Variants in SGK1 observed in about 807,000 individuals in gnomAD.
SGK1 encodes serine/threonine-protein kinase Sgk1.
In SGK1, 26 loss-of-function variants were observed where a neutral mutation model predicts 64.2. The observed-to-expected ratio is 0.40, with a 90% CI of 0.30 to 0.56. The LOEUF is 0.56. SGK1 is among the 20% of genes least tolerant of loss of function. The pLI is 0.38. For missense variants in SGK1, 519 were observed against 645.6 expected (o/e 0.80, Z 2.12); for synonymous variants, 265 against 239.7 (o/e 1.11, Z -0.98).
intron 2 of SGK1, among the ~76,000 whole-genome samples, chr6:134,253,950 A>T (rs1582744178): frequency 6.6e-6 from 1 of 151,946 alleles, no homozygotes; most frequent in African/African-American, 2.4e-5. Flanking sequence ...CGGACAGCGG[A>T]CTCTGAGGAA....
At chr6:134,230,240 A>G (rs1776255538) in intron 2 of SGK1, among the ~76,000 whole-genome samples, 2 of 152,168 alleles carry the variant, frequency 1.3e-5, no homozygotes, top group Non-Finnish European at 1.5e-5. Context: ...TAATTCCAGC[A>G]TTTTGGGAGG....
rs1357748854 is a variant in SGK1 at position 134,169,780 on chromosome 6, A to T, written c.*488T>A. The T allele has an allele frequency of 6.5e-6, 1 of 152,740 alleles. No homozygotes were observed. Among genetic ancestry groups the T allele is most frequent in the Non-Finnish European group, 1.5e-5 (1 of 68,120 alleles). 9.5% of individuals were successfully genotyped at this position (152,740 alleles called of 1,614,324 possible). ...CTGCAAGTGTCACATTGATGCTTAT[A>T]ACAAAATCCATCTGTGATCAGGCAT... On this transcript the variant is annotated 3_prime_UTR_variant, in exon 14 of 14. Transcript: ENST00000367858.
intron 1 of SGK1, among the ~76,000 whole-genome samples, chr6:134,274,379 G>A (rs750563221): frequency 6.6e-6 from 1 of 152,142 alleles, no homozygotes; most frequent in South Asian, 2.1e-4. Context: ...TGAGAGTCAG[G>A]AATGGATTAG....
chr6:134,206,338 GATATATAT>G (rs71003676), intron 3 of SGK1, among the ~76,000 whole-genome samples: 94 of 32,686 alleles, frequency 2.9e-3, no homozygotes, highest in African/African-American at 6.4e-3. Flanking sequence ...TGTACCTGAT[GATATATAT>G]ATATATATAT....
chr6:134,223,604 G>T (rs1582723835), intron 2 of SGK1, among the ~76,000 whole-genome samples: 1 of 152,126 alleles, frequency 6.6e-6, no homozygotes, highest in East Asian at 1.9e-4. Context: ...TGGGAAAAAT[G>T]TTCCTACTCT....
intron 2 of SGK1, among the ~76,000 whole-genome samples, chr6:134,250,161 G>A (rs959068640): frequency 6.6e-6 from 1 of 152,184 alleles, no homozygotes; most frequent in Non-Finnish European, 1.5e-5. Flanking sequence ...GTGAATCGAG[G>A]ACAGACTTGT....
intron 2 of SGK1, among the ~76,000 whole-genome samples, chr6:134,213,759 G>GTTAT (rs1554221320): frequency 6.6e-6 from 1 of 152,040 alleles, no homozygotes; most frequent in Non-Finnish European, 1.5e-5. Flanking sequence ...GGGCTCTTTG[G>GTTAT]TTCTTTCTTT....
intron 2 of SGK1, among the ~76,000 whole-genome samples, chr6:134,247,387 G>A (rs1200339759): frequency 6.6e-6 from 1 of 152,138 alleles, no homozygotes; most frequent in Non-Finnish European, 1.5e-5. Flanking sequence ...AGTCACACCT[G>A]TGGGGGCCTC....
chr6:134,281,922 A>G (rs954554954), intron 1 of SGK1, among the ~76,000 whole-genome samples: 1 of 152,226 alleles, frequency 6.6e-6, no homozygotes, highest in Non-Finnish European at 1.5e-5. Flanking sequence ...CATTTGAGCC[A>G]TGATAGGCCC....
At chr6:134,188,861 T>TATCTG (rs1562244978) in intron 3 of SGK1, among the ~76,000 whole-genome samples, 1 of 151,296 alleles carries the variant, frequency 6.6e-6, no homozygotes, top group Non-Finnish European at 1.5e-5. Context: ...GCCTCCTGAG[T>TATCTG]ATCTGGGGCT....
intron 1 of SGK1, among the ~76,000 whole-genome samples, chr6:134,287,115 G>A (rs538504629): frequency 1.3e-5 from 2 of 152,184 alleles, no homozygotes; most frequent in South Asian, 4.2e-4. Context: ...GGGACTTCAG[G>A]CACATGTCAC....
chr6:134,300,062 A>G, intron 1 of SGK1, among the ~76,000 whole-genome samples: 1 of 152,214 alleles, frequency 6.6e-6, no homozygotes, highest in East Asian at 1.9e-4. Context: ...CCATTTCTCT[A>G]TGTGACTCTA....
intron 2 of SGK1, among the ~76,000 whole-genome samples, chr6:134,226,974 C>T (rs1776192856): frequency 6.6e-6 from 1 of 152,110 alleles, no homozygotes; most frequent in Non-Finnish European, 1.5e-5. Flanking sequence ...AGGTGGGAGC[C>T]ACCTCACTCA....
At chr6:134,211,060 G>A (rs1387889123) in intron 2 of SGK1, among the ~76,000 whole-genome samples, 1 of 150,558 alleles carries the variant, frequency 6.6e-6, no homozygotes, top group Non-Finnish European at 1.5e-5. Context: ...GGGAGGCAGA[G>A]GTTGCAGTGA....
chr6:134,188,062 G>A (rs1455197648), intron 3 of SGK1, among the ~76,000 whole-genome samples: 3 of 152,142 alleles, frequency 2.0e-5, no homozygotes, highest in African/African-American at 7.2e-5. Flanking sequence ...TGCCACCATG[G>A]CTACTTTGTT....
At chr6:134,250,158 G>A (rs1436392439) in intron 2 of SGK1, among the ~76,000 whole-genome samples, 4 of 152,172 alleles carry the variant, frequency 2.6e-5, no homozygotes, top group Non-Finnish European at 4.4e-5. Context: ...AAAGTGAATC[G>A]AGGACAGACT....
intron 2 of SGK1, among the ~76,000 whole-genome samples, chr6:134,228,838 G>GTT (rs1776228956): frequency 8.0e-6 from 1 of 124,876 alleles, no homozygotes; most frequent in East Asian, 2.3e-4. Flanking sequence ...TCTTGTAGTT[G>GTT]TTCTTTTTTT....
chr6:134,296,539 C>T lies in SGK1; in HGVS notation c.69+20853G>A, dbSNP rs138501810. 2.2e-4 allele frequency among the ~76,000 whole-genome samples: 33 copies of T among 152,246 alleles called. No homozygotes were observed. The East Asian group carries it at 5.4e-3, about 25-fold the overall frequency. ...ATCTCACTTTGTTGCCCAAGCTGGT[C>T]TTGAACTCCCGGACTCAAGCAACCC... is the stretch of plus-strand genomic sequence containing the variant. On this transcript the variant is annotated intron_variant, in intron 1 of 13. Transcript: ENST00000367858.
At chr6:134,247,795 A>G (rs1169101540) in intron 2 of SGK1, among the ~76,000 whole-genome samples, 3 of 152,192 alleles carry the variant, frequency 2.0e-5, no homozygotes, top group Non-Finnish European at 2.9e-5. Flanking sequence ...CTAAAATTAT[A>G]GATAATTTCA....
Sources: gnomAD v4.1 joint callset for allele counts (sites outside exome capture counted in the v4.1 genomes callset) on GRCh38, gnomAD v4.1.1 for gene constraint, MANE v1.5 for transcripts, NCBI Gene and HGNC (gene_info 2026-07-23, HGNC 2026-07-21) for gene names.